Variants in GET4 observed in about 807,000 individuals in gnomAD.
GET4 encodes the protein Golgi to ER traffic protein 4 homolog.
Under a neutral mutation model 40.0 loss-of-function variants are expected in GET4, and 20 were observed. The observed-to-expected ratio is 0.50, with a 90% CI of 0.35 to 0.73. GET4 has a LOEUF of 0.73. Ranked by LOEUF, GET4 falls within the 30% of genes least tolerant of loss-of-function variation. The pLI, the probability that GET4 is intolerant of heterozygous loss-of-function variation, is 0.01. For synonymous variants in GET4, 280 were observed against 194.6 expected, an observed-to-expected ratio of 1.44 and a Z score of -3.65; for missense variants, 557 against 454.0, an observed-to-expected ratio of 1.23 and a Z score of -2.06.
At chr7:884,231 C>G (rs997555819) in intron 1 of GET4, 9 of 1,304,020 alleles carry the variant, frequency 6.9e-6, no homozygotes, top group Non-Finnish European at 8.1e-6. Context: ...GCCCCACTGG[C>G]GGCATCGTGA....
intron 6 of GET4, among the ~76,000 whole-genome samples, chr7:893,226 G>T (rs1157593101): frequency 1.4e-5 from 2 of 141,938 alleles, no homozygotes; most frequent in South Asian, 4.6e-4. Context: ...AGTGTTGGGC[G>T]TGGGCGTGGT....
intron 1 of GET4, among the ~76,000 whole-genome samples, chr7:877,590 C>T (rs1843988443): frequency 1.5e-5 from 2 of 133,374 alleles, no homozygotes; most frequent in Admixed American, 7.6e-5. Context: ...CCTCTCCTAG[C>T]CTCCACCTCC....
At chr7:886,016 G>A (rs748725491) in intron 1 of GET4, 40 bp from the exon 2 acceptor site, 2 of 1,217,280 alleles carry the variant, frequency 1.6e-6, no homozygotes, top group Non-Finnish European at 2.4e-6. Flanking sequence ...GCGGTGGCGA[G>A]GGCACGTGGG....
In GET4 at chr7:887,402, C is replaced by T; in HGVS notation, c.349C>T (p.Pro117Ser). 6.3e-7 allele frequency: 1 copy of T among 1,598,262 alleles called. No individual in the cohort carries two copies. The highest frequency in any genetic ancestry group is 8.5e-7 in the Non-Finnish European group (1 of 1,170,250). ...GGCTAAAGTGTTCAGCCTGATGGAC[C>T]CCAACTCTCCTGAGCGCGTGACCTT... ...NLAKVFSLMD[P>S]NSPERVTFVS... Residue 117 changes from proline to serine, a missense_variant, in exon 4 of 9, where the codon CCC becomes TCC. Coordinates refer to ENST00000265857, the MANE Select transcript of GET4 (RefSeq NM_015949.3).
rs559475694 is a variant in GET4 at position 896,099 on chromosome 7, C to T, written c.*677C>T. 3 of 152,368 alleles carry T rather than the reference C, an allele frequency of 2.0e-5. No individual in the cohort carries two copies. Among genetic ancestry groups the T allele is most frequent in the South Asian group, 2.1e-4 (1 of 4,836 alleles). The allele number at this position is 152,368 out of a possible 1,614,324, so 9.4% of individuals were successfully genotyped here. On this transcript the variant is annotated 3_prime_UTR_variant, in exon 9 of 9. Coordinates refer to ENST00000265857, the MANE Select transcript of GET4 (RefSeq NM_015949.3). Reference sequence around the variant, plus strand: ...CCACGCTGCTGTGCTGGAAATGCCGCTTTAAAAAGGGATACCGTGGGACTC... The same window carrying T: ...CCACGCTGCTGTGCTGGAAATGCCGTTTTAAAAAGGGATACCGTGGGACTC...
intron 4 of GET4, among the ~76,000 whole-genome samples, 199 bp downstream of exon 4, chr7:887,718 G>T (rs559424360): frequency 4.0e-4 from 61 of 152,326 alleles, no homozygotes; most frequent in Non-Finnish European, 5.4e-4. Context: ...CTGCGAGAAG[G>T]GGGGCAGGCG....
intron 6 of GET4, among the ~76,000 whole-genome samples, chr7:893,206 TGTGC>T (rs1844375274): frequency 5.6e-5 from 6 of 106,846 alleles, no homozygotes; most frequent in Non-Finnish European, 9.3e-5. Context: ...CGCGGTGGTG[TGTGC>T]AGGTGAGTGT....
chr7:886,244 C>T (rs1249252255), intron 2 of GET4, 110 bp downstream of exon 2: 22 of 735,418 alleles, frequency 3.0e-5, no homozygotes, highest in African/African-American at 1.6e-4. Context: ...CCCTGGGCCT[C>T]GGCCACTGGG....
In GET4 at chr7:888,708, C is replaced by T. The variant is rs1174400552; in HGVS notation, c.466+1189C>T. Among the ~76,000 whole-genome samples, 5 of 152,380 alleles carry T rather than the reference C, an allele frequency of 3.3e-5. No individual in the cohort carries two copies. In the South Asian group the frequency reaches 6.2e-4, roughly 19 times the overall value. On this transcript the variant is annotated intron_variant, in intron 4 of 8. Transcript: ENST00000265857. ...GTGGCCCCTGGAGCATACCTGCTGC[C>T]GCCTTCCCTGGCCTCTGGCGACAGC... is the stretch of plus-strand genomic sequence containing the variant.
rs1844401851 is a variant in GET4, at chr7:893,831, TG to T, written c.822+20del. ...GTACAACGAGGTGAGAGCTTGGGGC[TG>T]GGGAGGGAGGAGGGGACCCCACGGT... On this transcript the variant is annotated intron_variant, in intron 7 of 8. Coordinates refer to ENST00000265857, the MANE Select transcript of GET4 (RefSeq NM_015949.3). 2 of 1,608,966 alleles carry T rather than the reference TG, an allele frequency of 1.2e-6. No homozygotes were observed.
intron 1 of GET4, chr7:884,344 G>A (rs772319047): frequency 2.5e-5 from 32 of 1,303,628 alleles, no homozygotes; most frequent in South Asian, 1.9e-4. Context: ...GAACTAGGAC[G>A]GCCGGTCACA....
At position 895,459 on chromosome 7, in the gene GET4, C is replaced by A; in HGVS notation, c.*37C>A. 1 of 1,107,146 alleles carries A rather than the reference C, an allele frequency of 9.0e-7. No homozygotes were observed. The highest frequency in any genetic ancestry group is 1.4e-6 in the Non-Finnish European group (1 of 731,842). 68.6% of individuals were successfully genotyped at this position (1,107,146 alleles called of 1,614,324 possible). ...CACGTGGAGACACCACGGTCGACGACGGCTGGAGGGACGTTTCAGAGGCGA... is the reference window on the plus strand; with the variant it reads ...CACGTGGAGACACCACGGTCGACGAAGGCTGGAGGGACGTTTCAGAGGCGA... On this transcript the variant is annotated 3_prime_UTR_variant, in exon 9 of 9. Transcript: ENST00000265857.
intron 1 of GET4, chr7:878,207 C>T (rs1844007992): frequency 4.3e-6 from 2 of 468,938 alleles, no homozygotes; most frequent in East Asian, 7.0e-5. Context: ...CTGCACGCCC[C>T]TCGGGACTGT....
intron 6 of GET4, 98 bp from the exon 7 acceptor site, chr7:893,642 G>T (rs926673949): frequency 1.6e-5 from 12 of 734,248 alleles, no homozygotes; most frequent in Middle Eastern, 6.7e-4. Flanking sequence ...GCGTGGTGGT[G>T]TGTGCAGGTG....
At chr7:883,992 G>A (rs1489765432) in intron 1 of GET4, 3 of 1,082,358 alleles carry the variant, frequency 2.8e-6, no homozygotes, top group South Asian at 2.4e-5. Flanking sequence ...GCTGCAAGGC[G>A]CAGTCCAAAC....
intron 1 of GET4, chr7:881,712 T>C (rs1361369894): frequency 6.6e-6 from 1 of 152,238 alleles, no homozygotes; most frequent in South Asian, 2.1e-4. Context: ...CAGGTCTGTG[T>C]GCAGGCTTGG....
intron 1 of GET4, chr7:879,650 C>T (rs755386968): frequency 3.9e-5 from 6 of 152,200 alleles, no homozygotes; most frequent in African/African-American, 1.4e-4. Context: ...CAGGCTACAT[C>T]GCATTTTACT....
chr7:892,051 C>G (rs891748278), intron 5 of GET4, among the ~76,000 whole-genome samples: 1 of 152,272 alleles, frequency 6.6e-6, no homozygotes. Flanking sequence ...GCTCCAGAGC[C>G]TGGTCACATT....
At chr7:886,469 G>A (rs563348500) in intron 2 of GET4, 100 bp from the exon 3 acceptor site, 10 of 830,756 alleles carry the variant, frequency 1.2e-5, no homozygotes, top group East Asian at 4.9e-5. Context: ...CCTCAGCACC[G>A]GCCGCACTCT....
Sources: gnomAD v4.1 joint callset for allele counts (sites outside exome capture counted in the v4.1 genomes callset) on GRCh38, gnomAD v4.1.1 for gene constraint, MANE v1.5 for transcripts, NCBI Gene and HGNC (gene_info 2026-07-23, HGNC 2026-07-21) for gene names.